The following FGD5 variants were observed in gnomAD, a reference collection of about 807,000 sequenced individuals.
FGD5 encodes FYVE, RhoGEF and PH domain-containing protein 5.
A neutral mutation model predicts 133.4 loss-of-function variants in FGD5; 28 were observed. That is an observed-to-expected ratio of 0.21 (90% CI 0.16 to 0.29). The LOEUF (loss-of-function observed/expected upper bound fraction) is 0.29, where lower values mean the gene tolerates loss of function less well. Ranked by LOEUF, FGD5 falls within the 10% of genes least tolerant of loss-of-function variation. The probability of loss-of-function intolerance (pLI) is 1.00; values close to 1 mark genes in which losing one functional copy is unlikely to be tolerated. For missense variants in FGD5, 1,858 were observed against 1,895.2 expected, an observed-to-expected ratio of 0.98 and a Z score of 0.36; for synonymous variants, 810 against 776.5, an observed-to-expected ratio of 1.04 and a Z score of -0.72.
At chr3:14,893,681 T>C (rs887056481) in intron 4 of FGD5, among the ~76,000 whole-genome samples, 1 of 151,946 alleles carries the variant, frequency 6.6e-6, no homozygotes, top group Non-Finnish European at 1.5e-5. Flanking sequence ...TAGTCCATTA[T>C]CGTAAACTAT....
At position 14,883,387 on chromosome 3, in the gene FGD5, C is replaced by A. The variant is rs181330484; in HGVS notation, c.2748+2615C>A. 5.3e-4 allele frequency among the ~76,000 whole-genome samples: 81 copies of A among 152,268 alleles called. No homozygotes were observed. In the East Asian group the frequency reaches 0.014, roughly 27 times the overall value. Reference sequence around the variant, plus strand: ...CAGTCATAAGAACTTTCCTCACCTGCGCATCTGTCAATCTCTACCCGTCCA... The same window carrying A: ...CAGTCATAAGAACTTTCCTCACCTGAGCATCTGTCAATCTCTACCCGTCCA... On this transcript the variant is annotated intron_variant, in intron 4 of 19. Transcript: ENST00000285046.
chr3:14,913,814 T>C (rs2038497668), intron 11 of FGD5, among the ~76,000 whole-genome samples: 1 of 152,014 alleles, frequency 6.6e-6, no homozygotes, highest in African/African-American at 2.4e-5. Context: ...CACCTGAAGC[T>C]CTTTGAGAAG....
chr3:14,872,046 G>T (rs956326828), intron 2 of FGD5, among the ~76,000 whole-genome samples: 2 of 152,216 alleles, frequency 1.3e-5, no homozygotes, highest in East Asian at 3.9e-4. Context: ...AGTGACTCAC[G>T]TGTGCTCACT....
intron 9 of FGD5, among the ~76,000 whole-genome samples, chr3:14,906,777 G>A (rs182490460): frequency 6.6e-6 from 1 of 152,354 alleles, no homozygotes; most frequent in East Asian, 1.9e-4. Context: ...GGCAGTTCCT[G>A]CATCTCATTC....
intron 1 of FGD5, among the ~76,000 whole-genome samples, chr3:14,813,191 AAG>A (rs2036318881): frequency 6.6e-6 from 1 of 151,878 alleles, no homozygotes; most frequent in South Asian, 2.1e-4. Context: ...TATGAAAAAA[AAG>A]GGGGTATTTC....
rs2125167789 is a variant in FGD5, at chr3:14,933,938, A to G, written c.*771A>G. On this transcript the variant is annotated 3_prime_UTR_variant, in exon 20 of 20. Coordinates refer to ENST00000285046, the MANE Select transcript of FGD5 (RefSeq NM_152536.4). ...CCAGAGCAGTCCTCAACACTATGTCAGTGCTGGAAATGCAGCCACTGGCAG... is the reference window on the plus strand; with the variant it reads ...CCAGAGCAGTCCTCAACACTATGTCGGTGCTGGAAATGCAGCCACTGGCAG... 1 of 152,400 alleles carries G rather than the reference A, an allele frequency of 6.6e-6. No individual in the cohort carries two copies. Among genetic ancestry groups the G allele is most frequent in the South Asian group, 2.1e-4 (1 of 4,828 alleles). 9.4% of individuals were successfully genotyped at this position (152,400 alleles called of 1,614,324 possible).
chr3:14,894,291 CT>C (rs1404346202), intron 4 of FGD5, among the ~76,000 whole-genome samples: 1 of 152,076 alleles, frequency 6.6e-6, no homozygotes, highest in Admixed American at 6.6e-5. Context: ...GGACTTCATC[CT>C]TTTTTATGGC....
chr3:14,841,785 C>A (rs922021213), intron 1 of FGD5, among the ~76,000 whole-genome samples: 5 of 152,146 alleles, frequency 3.3e-5, no homozygotes, highest in African/African-American at 7.2e-5. Flanking sequence ...CACACCTCTC[C>A]TGCCTGCTTC....
At chr3:14,827,716 A>T (rs942388197) in intron 1 of FGD5, among the ~76,000 whole-genome samples, 1 of 152,058 alleles carries the variant, frequency 6.6e-6, no homozygotes, top group African/African-American at 2.4e-5. Context: ...AGGTACTCAG[A>T]TGTCTTTCCC....
In FGD5 at chr3:14,821,055, A is replaced by G. The variant is rs2036487396; in HGVS notation, c.1984A>G (p.Lys662Glu). 6.2e-7 allele frequency: 1 copy of G among 1,613,748 alleles called. No homozygotes were observed. The highest frequency in any genetic ancestry group is 8.5e-7 in the Non-Finnish European group (1 of 1,179,826). ...TAAGCGCTTCCTGGCACTGACGTTTAAGAAGAAGACGGAGAACAAATTGCA... is the reference window on the plus strand; with the variant it reads ...TAAGCGCTTCCTGGCACTGACGTTTGAGAAGAAGACGGAGAACAAATTGCA... Reference protein sequence around the residue: ...SFKRFLALTFKKKTENKLHVD... With the variant: ...SFKRFLALTFEKKTENKLHVD... Residue 662 changes from lysine (K) to glutamate (E), a missense_variant, in exon 1 of 20, where the codon AAG becomes GAG. Physicochemically the swap from Lys to Glu is moderately conservative, Grantham distance 56 (BLOSUM62 1). This residue lies in a region of FGD5 where 1,824 missense variants were observed against 1,848.9 expected (regional missense o/e 0.99). Transcript: ENST00000285046.
chr3:14,893,996 G>C (rs1163226899), intron 4 of FGD5, among the ~76,000 whole-genome samples: 1 of 151,074 alleles, frequency 6.6e-6, no homozygotes, highest in Non-Finnish European at 1.5e-5. Flanking sequence ...GACCTCAGGT[G>C]ATCTACCTGC....
chr3:14,864,356 T>C, intron 2 of FGD5, 96 bp downstream of exon 2: 1 of 1,570,358 alleles, frequency 6.4e-7, no homozygotes. Flanking sequence ...CGGACGGAGC[T>C]GTTTGCAGAT....
intron 2 of FGD5, among the ~76,000 whole-genome samples, chr3:14,867,739 T>C (rs1274406599): frequency 6.6e-6 from 1 of 152,182 alleles, no homozygotes; most frequent in Non-Finnish European, 1.5e-5. Flanking sequence ...GTCTCCATCC[T>C]CATTTGTCTT....
Position 14,900,393 on chromosome 3 carries a change from C to T in FGD5, c.3155-10C>T. ...CAGTAGCTGACTCCTGGTTCTTATC[C>T]TGCCAACAGACTATTTAAACAACCT... is the stretch of plus-strand genomic sequence containing the variant. On this transcript the variant is annotated splice_polypyrimidine_tract_variant and intron_variant, in intron 7 of 19. Coordinates refer to ENST00000285046, the MANE Select transcript of FGD5 (RefSeq NM_152536.4). 1 of 1,613,028 alleles carries T rather than the reference C, an allele frequency of 6.2e-7. No individual in the cohort carries two copies. The highest frequency in any genetic ancestry group is 8.5e-7 in the Non-Finnish European group (1 of 1,179,514).
intron 1 of FGD5, among the ~76,000 whole-genome samples, chr3:14,862,039 G>T (rs1179261299): frequency 6.6e-6 from 1 of 152,132 alleles, no homozygotes; most frequent in Non-Finnish European, 1.5e-5. Context: ...AGAGATGCTA[G>T]ATGTATGGTT....
In FGD5 at chr3:14,897,540, A is replaced by G. The variant is rs981325624; in HGVS notation, c.2780A>G (p.Asp927Gly). 2 of 1,606,146 alleles carry G rather than the reference A, an allele frequency of 1.2e-6. No homozygotes were observed. Among genetic ancestry groups the G allele is most frequent in the African/African-American group, 1.3e-5 (1 of 74,834 alleles). The change falls in exon 5 of 20, where the codon GAT becomes GGT. Residue 927 changes from aspartate to glycine, a missense_variant. Physicochemically the swap from Asp to Gly is moderately conservative, Grantham distance 94 (BLOSUM62 -1). Transcript: ENST00000285046. ...DFHGAVMRAL[D>G]DMDHEGRDTL... ...CATGGAGCTGTCATGAGGGCCTTGG[A>G]TGACATGGACCATGAAGGCAGAGAC...
intron 4 of FGD5, among the ~76,000 whole-genome samples, chr3:14,889,465 C>T (rs78190600): frequency 0.01 from 1,559 of 152,238 alleles, 26 homozygotes; most frequent in African/African-American, 0.034. Flanking sequence ...TGTCTGTGCT[C>T]CTGTGCATGA....
Position 14,821,135 on chromosome 3 carries a change from G to A in FGD5, c.2064G>A (p.Gly688=). The part of the protein sequence containing the change: ...SRSSSESSYH[G]PSRILEVDRR... ...CCTCTTCAGAGTCCAGCTACCACGGGCCTTCCAGGATTCTGGAAGTTGACC... is the reference window on the plus strand; with the variant it reads ...CCTCTTCAGAGTCCAGCTACCACGGACCTTCCAGGATTCTGGAAGTTGACC... The change falls in exon 1 of 20, where the codon GGG becomes GGA. Residue 688 remains glycine, a synonymous_variant. Transcript: ENST00000285046. 6.2e-7 allele frequency: 1 copy of A among 1,613,922 alleles called. No individual in the cohort carries two copies. The highest frequency in any genetic ancestry group is 8.5e-7 in the Non-Finnish European group (1 of 1,179,890).
chr3:14,888,748 G>A (rs1319100092), intron 4 of FGD5, among the ~76,000 whole-genome samples: 1 of 152,218 alleles, frequency 6.6e-6, no homozygotes, highest in Non-Finnish European at 1.5e-5. Flanking sequence ...CTTTAAAGTA[G>A]CTTTGAAAGA....
Sources: gnomAD v4.1 joint callset for allele counts (sites outside exome capture counted in the v4.1 genomes callset) on GRCh38, gnomAD v4.1.1 for gene constraint, gnomAD v4.1.1 regional missense constraint, MANE v1.5 for transcripts, NCBI Gene and HGNC (gene_info 2026-07-23, HGNC 2026-07-21) for gene names.